The following GPHN variants were observed in gnomAD, a reference collection of about 807,000 sequenced individuals.
GPHN encodes gephyrin.
Under a neutral mutation model 95.5 loss-of-function variants are expected in GPHN, and 17 were observed. That is an observed-to-expected ratio of 0.18 (90% CI 0.12 to 0.27). The LOEUF (loss-of-function observed/expected upper bound fraction) is 0.27. Ranked by LOEUF, GPHN falls within the 10% of genes least tolerant of loss-of-function variation. The pLI, the probability that GPHN is intolerant of heterozygous loss-of-function variation, is 1.00. For synonymous variants in GPHN, 320 were observed against 322.5 expected, an observed-to-expected ratio of 0.99 and a Z score of 0.08; for missense variants, 660 against 978.1, an observed-to-expected ratio of 0.67 and a Z score of 4.34.
At chr14:66,663,779 G>A (rs753268797) in intron 1 of GPHN, among the ~76,000 whole-genome samples, 2 of 152,092 alleles carry the variant, frequency 1.3e-5, no homozygotes, top group Non-Finnish European at 2.9e-5. Context: ...AAAAAAGGAT[G>A]GAGGAAAATT....
the GPHN span, among the ~76,000 whole-genome samples, chr14:67,673,905 C>G: frequency 6.6e-6 from 1 of 152,194 alleles, no homozygotes; most frequent in African/African-American, 2.4e-5. Context: ...TAAAGGCCAG[C>G]TCTCTACCCT....
At chr14:67,189,966 G>T in the GPHN span, among the ~76,000 whole-genome samples, 99 of 146,584 alleles carry the variant, frequency 6.8e-4, no homozygotes, top group African/African-American at 2.4e-3. Context: ...TCAGCCTCCC[G>T]AGTAGCTGGG....
At chr14:66,590,475 A>G (rs2061593823) in intron 1 of GPHN, among the ~76,000 whole-genome samples, 1 of 152,190 alleles carries the variant, frequency 6.6e-6, no homozygotes. Context: ...AGGGGATATC[A>G]CCACTGATCC....
intron 10 of GPHN, among the ~76,000 whole-genome samples, chr14:67,030,999 GTTTT>G (rs1017874318): frequency 2.3e-5 from 3 of 132,192 alleles, no homozygotes; most frequent in Non-Finnish European, 4.5e-5. Flanking sequence ...AATACTGGGG[GTTTT>G]GTTTGTTTGT....
intron 2 of GPHN, among the ~76,000 whole-genome samples, chr14:66,765,865 C>G (rs1270934512): frequency 6.6e-6 from 1 of 152,090 alleles, no homozygotes; most frequent in African/African-American, 2.4e-5. Flanking sequence ...GGATAATTAA[C>G]TTCAGCTGAT....
the GPHN span, chr14:67,648,176 C>A: frequency 6.2e-7 from 1 of 1,613,696 alleles, no homozygotes; most frequent in Non-Finnish European, 8.5e-7. Context: ...AGGAAATACA[C>A]AATACAGGTA....
chr14:66,769,002 G>T (rs1413473514), intron 2 of GPHN, among the ~76,000 whole-genome samples: 1 of 151,952 alleles, frequency 6.6e-6, no homozygotes, highest in African/African-American at 2.4e-5. Flanking sequence ...ATGTGGATAT[G>T]TGTAAAAATT....
chr14:66,767,234 C>T (rs186741640), intron 2 of GPHN, among the ~76,000 whole-genome samples: 48 of 152,048 alleles, frequency 3.2e-4, no homozygotes, highest in Non-Finnish European at 5.7e-4. Context: ...TCCCCTCAGA[C>T]TTCTAATGGG....
At chr14:66,865,167 G>A (rs1348374731) in intron 4 of GPHN, among the ~76,000 whole-genome samples, 1 of 151,994 alleles carries the variant, frequency 6.6e-6, no homozygotes, top group Non-Finnish European at 1.5e-5. Context: ...AAAAAAATGA[G>A]TAAAACCTGG....
the GPHN span, chr14:67,590,034 A>G: frequency 6.5e-7 from 1 of 1,531,842 alleles, no homozygotes; most frequent in South Asian, 1.2e-5. Context: ...ATGGCTTAAG[A>G]GTCATCTCCC....
the GPHN span, chr14:67,374,463 T>C: frequency 6.3e-7 from 1 of 1,587,280 alleles, no homozygotes; most frequent in Non-Finnish European, 8.6e-7. Flanking sequence ...AATTTTTTTG[T>C]ACAGGATATA....
At chr14:67,581,919 T>C in the GPHN span, 4 of 706,666 alleles carry the variant, frequency 5.7e-6, no homozygotes, top group South Asian at 1.9e-5. Flanking sequence ...TACTCGGTTA[T>C]ATGTTTCTGG....
chr14:67,103,186 C>A (rs1377149771), intron 13 of GPHN, among the ~76,000 whole-genome samples: 1 of 152,124 alleles, frequency 6.6e-6, no homozygotes, highest in Non-Finnish European at 1.5e-5. Context: ...GCTCCAACCA[C>A]GCTGGGTTCT....
chr14:67,675,292 G>T, the GPHN span, among the ~76,000 whole-genome samples: 1 of 151,914 alleles, frequency 6.6e-6, no homozygotes, highest in African/African-American at 2.4e-5. Context: ...AGGATTGCTT[G>T]AACCCAGTAG....
intron 3 of GPHN, among the ~76,000 whole-genome samples, chr14:66,780,761 A>G (rs1334395343): frequency 6.6e-6 from 1 of 152,174 alleles, no homozygotes; most frequent in Non-Finnish European, 1.5e-5. Context: ...TTTCACCAAT[A>G]TTTGATGGCA....
chr14:66,564,845 AAAT>A (rs2060397667), intron 1 of GPHN, among the ~76,000 whole-genome samples: 1 of 152,164 alleles, frequency 6.6e-6, no homozygotes, highest in Non-Finnish European at 1.5e-5. Flanking sequence ...CCCTACTATC[AAAT>A]AATATTATCA....
chr14:67,655,817 C>G, the GPHN span, among the ~76,000 whole-genome samples: 1 of 152,178 alleles, frequency 6.6e-6, no homozygotes, highest in African/African-American at 2.4e-5. Flanking sequence ...TTATTAATTT[C>G]TGTAATCTTG....
chr14:66,847,118 C>G (rs919962017), intron 4 of GPHN, among the ~76,000 whole-genome samples: 1 of 152,098 alleles, frequency 6.6e-6, no homozygotes, highest in African/African-American at 2.4e-5. Context: ...TTAGGATAAA[C>G]TTTACTAACA....
chr14:67,448,117 A>ATTTTTTTTTTT, the GPHN span, among the ~76,000 whole-genome samples: 1 of 62,978 alleles, frequency 1.6e-5, no homozygotes, highest in African/African-American at 6.2e-5. Context: ...ACCATAGCCC[A>ATTTTTTTTTTT]TTCTTTTTTT....
Sources: gnomAD v4.1 joint callset for allele counts (sites outside exome capture counted in the v4.1 genomes callset) on GRCh38, gnomAD v4.1.1 for gene constraint, MANE v1.5 for transcripts, NCBI Gene and HGNC (gene_info 2026-07-23, HGNC 2026-07-21) for gene names.